GABBR2: variants seen among roughly 807,000 people sequenced by gnomAD.
GABBR2 encodes the protein gamma-aminobutyric acid type B receptor subunit 2.
GABBR2 carries 23 observed loss-of-function variants against 105.6 expected under a neutral mutation model. The observed-to-expected ratio is 0.22, with a 90% CI of 0.16 to 0.31. The LOEUF is 0.31. Among genes scored for constraint, GABBR2 ranks in the 10% least tolerant of loss-of-function variants. The probability of loss-of-function intolerance (pLI) is 1.00; values close to 1 mark genes in which losing one functional copy is unlikely to be tolerated. For synonymous variants in GABBR2, 478 were observed against 499.7 expected, an observed-to-expected ratio of 0.96 and a Z score of 0.58; for missense variants, 734 against 1,245.5, an observed-to-expected ratio of 0.59 and a Z score of 6.18.
intron 2 of GABBR2, among the ~76,000 whole-genome samples, chr9:98,547,669 A>G (rs139516513): frequency 1.6e-5 from 2 of 122,156 alleles, no homozygotes; most frequent in African/African-American, 2.6e-5. Context: ...GCTGTAGGAC[A>G]TAAGTATTCT....
chr9:98,620,247 T>TTCTCTCTCTCTC (rs112127893), intron 1 of GABBR2, among the ~76,000 whole-genome samples: 56 of 146,606 alleles, frequency 3.8e-4, no homozygotes, highest in Admixed American at 1.6e-3. Flanking sequence ...TTTTCTCTCT[T>TTCTCTCTCTCTC]TCTCTCTCTC....
At chr9:98,542,468 C>T (rs1313147566) in intron 2 of GABBR2, among the ~76,000 whole-genome samples, 1 of 152,176 alleles carries the variant, frequency 6.6e-6, no homozygotes, top group East Asian at 1.9e-4. Context: ...TATGAATATA[C>T]CATAAATTTA....
chr9:98,551,789 T>C (rs1828490890), intron 2 of GABBR2, among the ~76,000 whole-genome samples: 1 of 152,200 alleles, frequency 6.6e-6, no homozygotes, highest in Non-Finnish European at 1.5e-5. Context: ...CCGGGACATT[T>C]AGGCTTAACC....
At chr9:98,404,913 C>A (rs185018744) in intron 8 of GABBR2, among the ~76,000 whole-genome samples, 30 of 152,220 alleles carry the variant, frequency 2.0e-4, no homozygotes, top group Admixed American at 1.3e-3. Flanking sequence ...GATTTTCCAA[C>A]AAATCATCTG....
intron 13 of GABBR2, among the ~76,000 whole-genome samples, chr9:98,350,795 G>A (rs1426745898): frequency 6.6e-6 from 1 of 152,098 alleles, no homozygotes; most frequent in Non-Finnish European, 1.5e-5. Context: ...CTTCTTTGTT[G>A]AGTTTCTGTC....
At chr9:98,594,054 C>T (rs564470753) in intron 1 of GABBR2, among the ~76,000 whole-genome samples, 1 of 152,348 alleles carries the variant, frequency 6.6e-6, no homozygotes, top group South Asian at 2.1e-4. Flanking sequence ...AGAGGCCCAT[C>T]CCAGAGGCGA....
At chr9:98,335,577 T>C (rs930482558) in intron 13 of GABBR2, among the ~76,000 whole-genome samples, 2 of 152,098 alleles carry the variant, frequency 1.3e-5, no homozygotes, top group African/African-American at 2.4e-5. Flanking sequence ...TTGGGGGGTG[T>C]GACCCGGGCC....
chr9:98,428,393 CTGCACCT>C (rs1825737150), intron 7 of GABBR2, among the ~76,000 whole-genome samples: 1 of 152,202 alleles, frequency 6.6e-6, no homozygotes, highest in Non-Finnish European at 1.5e-5. Context: ...AAGGCAAAGG[CTGCACCT>C]GACCAATCTC....
chr9:98,697,019 G>A, intron 1 of GABBR2, among the ~76,000 whole-genome samples: 1 of 152,112 alleles, frequency 6.6e-6, no homozygotes, highest in East Asian at 1.9e-4. Context: ...AAAAAAACTT[G>A]CCGCTTGCTT....
At chr9:98,612,673 A>G (rs963791543) in intron 1 of GABBR2, among the ~76,000 whole-genome samples, 1 of 152,236 alleles carries the variant, frequency 6.6e-6, no homozygotes, top group African/African-American at 2.4e-5. Context: ...GCTGAAATAC[A>G]AAAATAGAAA....
chr9:98,518,118 C>T (rs753965750), intron 3 of GABBR2, among the ~76,000 whole-genome samples: 2 of 152,146 alleles, frequency 1.3e-5, no homozygotes, highest in Non-Finnish European at 2.9e-5. Flanking sequence ...CCGTGTGAAG[C>T]GGCTGCTCCT....
At chr9:98,576,010 C>T (rs1383438853) in intron 2 of GABBR2, among the ~76,000 whole-genome samples, 3 of 152,194 alleles carry the variant, frequency 2.0e-5, no homozygotes, top group African/African-American at 7.2e-5. Context: ...TAGCACCTGC[C>T]CTGGGGCTTC....
At chr9:98,659,064 A>G (rs1830219567) in intron 1 of GABBR2, among the ~76,000 whole-genome samples, 1 of 152,236 alleles carries the variant, frequency 6.6e-6, no homozygotes, top group African/African-American at 2.4e-5. Context: ...AGCCAAGAAA[A>G]ACTATTATAC....
chr9:98,383,510 C>A (rs1209352675), intron 11 of GABBR2, among the ~76,000 whole-genome samples: 1 of 152,062 alleles, frequency 6.6e-6, no homozygotes, highest in Non-Finnish European at 1.5e-5. Flanking sequence ...ACCAAGTGAC[C>A]CTGGAGCACT....
chr9:98,652,710 G>A (rs147772902), intron 1 of GABBR2, among the ~76,000 whole-genome samples: 1 of 152,334 alleles, frequency 6.6e-6, no homozygotes, highest in African/African-American at 2.4e-5. Context: ...TCATTTTCCA[G>A]CTTCGCATTT....
intron 3 of GABBR2, among the ~76,000 whole-genome samples, chr9:98,512,668 G>A (rs1417678174): frequency 2.6e-5 from 4 of 151,986 alleles, no homozygotes; most frequent in Admixed American, 6.6e-5. Flanking sequence ...GCTTCAAAGA[G>A]AATAAAATAC....
chr9:98,505,438 G>A (rs1827489745), intron 3 of GABBR2, among the ~76,000 whole-genome samples: 1 of 151,720 alleles, frequency 6.6e-6, no homozygotes, highest in African/African-American at 2.4e-5. Context: ...GTGTGTGTGT[G>A]TGTGTGTGTG....
intron 13 of GABBR2, among the ~76,000 whole-genome samples, chr9:98,328,477 T>A (rs992892835): frequency 6.6e-6 from 1 of 152,128 alleles, no homozygotes; most frequent in African/African-American, 2.4e-5. Flanking sequence ...CATATGCCAA[T>A]GAGCAAGGCA....
intron 13 of GABBR2, among the ~76,000 whole-genome samples, chr9:98,322,371 G>A (rs2117609): frequency 0.066 from 10,079 of 152,102 alleles, 408 homozygotes; most frequent in African/African-American, 0.096. Flanking sequence ...ACATGCAGGT[G>A]AATGCACCTG....
Sources: gnomAD v4.1 joint callset for allele counts (sites outside exome capture counted in the v4.1 genomes callset) on GRCh38, gnomAD v4.1.1 for gene constraint, MANE v1.5 for transcripts, NCBI Gene and HGNC (gene_info 2026-07-23, HGNC 2026-07-21) for gene names.